The following CTNND2 variants were observed in gnomAD, a reference collection of about 807,000 sequenced individuals.
CTNND2 encodes catenin delta 2.
CTNND2 carries 22 observed loss-of-function variants against 144.4 expected under a neutral mutation model. The observed-to-expected ratio is 0.15, with a 90% CI of 0.11 to 0.22. CTNND2 has a LOEUF of 0.22. Among genes scored for constraint, CTNND2 ranks in the 10% least tolerant of loss-of-function variants. The pLI is 1.00. For missense variants in CTNND2, 1,353 were observed against 1,618.8 expected, an observed-to-expected ratio of 0.84 and a Z score of 2.82; for synonymous variants, 751 against 695.6, an observed-to-expected ratio of 1.08 and a Z score of -1.25.
At chr5:11,791,485 A>G (rs1336705803) in intron 1 of CTNND2, among the ~76,000 whole-genome samples, 1 of 152,240 alleles carries the variant, frequency 6.6e-6, no homozygotes, top group Non-Finnish European at 1.5e-5. Context: ...GGGTCAGAGA[A>G]TAAATGGCAT....
At chr5:11,738,628 C>G (rs1203612712) in intron 1 of CTNND2, among the ~76,000 whole-genome samples, 1 of 152,172 alleles carries the variant, frequency 6.6e-6, no homozygotes, top group African/African-American at 2.4e-5. Flanking sequence ...CTTGTTCTTT[C>G]TTTAGTCACT....
At chr5:11,189,175 G>A (rs943856158) in intron 11 of CTNND2, among the ~76,000 whole-genome samples, 7 of 152,066 alleles carry the variant, frequency 4.6e-5, no homozygotes, top group African/African-American at 1.7e-4. Context: ...TCTCAATGCT[G>A]CTCCTTCTTT....
intron 6 of CTNND2, among the ~76,000 whole-genome samples, chr5:11,396,268 C>A (rs540687232): frequency 6.6e-6 from 1 of 151,974 alleles, no homozygotes; most frequent in Non-Finnish European, 1.5e-5. Context: ...TTAACTCTGG[C>A]GTGATGATCA....
chr5:11,219,182 G>A (rs1343298100), intron 10 of CTNND2, among the ~76,000 whole-genome samples: 1 of 152,190 alleles, frequency 6.6e-6, no homozygotes, highest in Non-Finnish European at 1.5e-5. Context: ...TGGTGGAAGA[G>A]TAGACCAGCC....
chr5:11,795,055 A>ACG (rs575242876), intron 1 of CTNND2, among the ~76,000 whole-genome samples: 239 of 152,322 alleles, frequency 1.6e-3, no homozygotes, highest in African/African-American at 5.5e-3. Context: ...ATAAATTAAA[A>ACG]CGTTCTTCAG....
At chr5:11,342,925 C>G (rs1754419969) in intron 9 of CTNND2, among the ~76,000 whole-genome samples, 1 of 152,074 alleles carries the variant, frequency 6.6e-6, no homozygotes, top group Non-Finnish European at 1.5e-5. Flanking sequence ...GATAACAATC[C>G]TTAAGAGATT....
At chr5:10,996,037 G>C (rs1010866603) in intron 18 of CTNND2, among the ~76,000 whole-genome samples, 1 of 152,184 alleles carries the variant, frequency 6.6e-6, no homozygotes, top group South Asian at 2.1e-4. Context: ...TGGGTGGGGA[G>C]CGAGCTGACT....
At chr5:11,382,292 G>T (rs912162712) in intron 7 of CTNND2, among the ~76,000 whole-genome samples, 2 of 152,080 alleles carry the variant, frequency 1.3e-5, no homozygotes, top group African/African-American at 4.8e-5. Flanking sequence ...TACATAAAAG[G>T]TGCTTAAAAG....
intron 2 of CTNND2, among the ~76,000 whole-genome samples, chr5:11,655,489 T>C (rs915991220): frequency 2.6e-5 from 4 of 152,058 alleles, no homozygotes; most frequent in Non-Finnish European, 5.9e-5. Context: ...ATTCGTAAAG[T>C]AAAAGAACAG....
intron 15 of CTNND2, among the ~76,000 whole-genome samples, chr5:11,091,900 A>G (rs1333431268): frequency 1.3e-5 from 2 of 152,148 alleles, no homozygotes; most frequent in Non-Finnish European, 2.9e-5. Context: ...TCTGTTGAAT[A>G]TTTAAGGGGA....
intron 2 of CTNND2, among the ~76,000 whole-genome samples, chr5:11,592,246 GCCTGCTTGCCTT>G (rs1779293408): frequency 9.8e-5 from 1 of 10,160 alleles, no homozygotes; most frequent in Admixed American, 5.6e-4. Context: ...CTGCCTTCCT[GCCTGCTTGCCTT>G]CCTGCCTTCC....
intron 9 of CTNND2, among the ~76,000 whole-genome samples, chr5:11,274,078 C>A (rs16901427): frequency 0.097 from 14,756 of 152,166 alleles, 1,028 homozygotes; most frequent in East Asian, 0.35. Flanking sequence ...GACTTCTCTT[C>A]AGAACACGCT....
At chr5:11,629,162 A>G (rs182722169) in intron 2 of CTNND2, among the ~76,000 whole-genome samples, 79 of 152,296 alleles carry the variant, frequency 5.2e-4, no homozygotes, top group African/African-American at 1.9e-3. Context: ...ATGCTTAAAT[A>G]ACTAATTTCC....
intron 11 of CTNND2, among the ~76,000 whole-genome samples, chr5:11,195,557 C>T (rs1200334814): frequency 6.6e-6 from 1 of 152,216 alleles, no homozygotes; most frequent in Non-Finnish European, 1.5e-5. Flanking sequence ...GTCCTCAGCC[C>T]GACTCCTTAA....
At chr5:10,992,002 C>T (rs866489935) in intron 19 of CTNND2, among the ~76,000 whole-genome samples, 6 of 152,238 alleles carry the variant, frequency 3.9e-5, no homozygotes, top group South Asian at 4.1e-4. Context: ...ACTGAAATCT[C>T]GGCCTCCCGG....
rs151004078 is a variant in CTNND2 at position 11,589,068 on chromosome 5, G to A, written c.175-24012C>T. 304 of 981,410 alleles carry A rather than the reference G, an allele frequency of 3.1e-4. No individual in the cohort carries two copies. The African/African-American group carries it at 4.3e-3, about 14-fold the overall frequency. The allele number at this position is 981,410 out of a possible 1,614,324, so 60.8% of individuals were successfully genotyped here. The stretch of plus-strand genomic sequence containing the variant: ...TATCAGAGATACCACAAGCCCAGTG[G>A]TTGCTGTCTTAAAAGAGAAAAGAAT... On this transcript the variant is annotated intron_variant, in intron 2 of 21. Transcript: ENST00000304623.
intron 1 of CTNND2, among the ~76,000 whole-genome samples, chr5:11,818,004 T>TC (rs1554126309): frequency 0.065 from 6,031 of 93,154 alleles, 281 homozygotes; most frequent in Admixed American, 0.098. Flanking sequence ...TTTTTTTTTT[T>TC]CAGTTCTCCT....
intron 9 of CTNND2, among the ~76,000 whole-genome samples, chr5:11,287,894 T>C (rs1389737801): frequency 6.6e-6 from 1 of 152,248 alleles, no homozygotes; most frequent in African/African-American, 2.4e-5. Context: ...CATCAGTCAG[T>C]TGATACAATA....
intron 9 of CTNND2, among the ~76,000 whole-genome samples, chr5:11,323,231 T>TGG (rs374479685): frequency 0.05 from 6,034 of 121,496 alleles, 234 homozygotes; most frequent in Middle Eastern, 0.085. Flanking sequence ...ATTTAGAGAT[T>TGG]GGGGGGGGGG....
Sources: allele counts gnomAD v4.1 joint callset (sites outside exome capture counted in the v4.1 genomes callset), GRCh38; gene constraint gnomAD v4.1.1; transcripts MANE v1.5; gene names NCBI Gene and HGNC (gene_info 2026-07-23, HGNC 2026-07-21).